The following PDE11A variants were observed in gnomAD, a reference collection of about 807,000 sequenced individuals.
PDE11A encodes dual 3',5'-cyclic-AMP and -GMP phosphodiesterase 11A.
In PDE11A, 100 loss-of-function variants were observed where a neutral mutation model predicts 100.5. The ratio of observed to expected loss-of-function variants is 1.00; its 90% CI spans 0.85 to 1.18. The LOEUF is 1.18. Among genes scored for constraint, PDE11A ranks in the 50% most tolerant of loss-of-function variants. PDE11A has a pLI of 0.00. For synonymous variants in PDE11A, 381 were observed against 420.8 expected, an observed-to-expected ratio of 0.91 and a Z score of 1.16; for missense variants, 1,141 against 1,152.6, an observed-to-expected ratio of 0.99 and a Z score of 0.15.
At chr2:177,885,413 A>G (rs1365232738) in intron 4 of PDE11A, among the ~76,000 whole-genome samples, 1 of 152,198 alleles carries the variant, frequency 6.6e-6, no homozygotes, top group East Asian at 1.9e-4. Context: ...TTGAGTGTGC[A>G]TAGATTTTGG....
chr2:177,791,702 T>G (rs2082635550), intron 9 of PDE11A, among the ~76,000 whole-genome samples: 1 of 152,138 alleles, frequency 6.6e-6, no homozygotes, highest in Non-Finnish European at 1.5e-5. Flanking sequence ...AAGATTATAG[T>G]ATATGTTTCT....
rs1340682443 is a variant in PDE11A at position 177,767,301 on chromosome 2, GC to G, written c.1788+2021del. Reference sequence around the variant, plus strand: ...GCTGAGACTGTGCCACTGCATTCCAGCCTGGGTGACAAAGAGCAAGACTCTG... The same window carrying G: ...GCTGAGACTGTGCCACTGCATTCCAGCTGGGTGACAAAGAGCAAGACTCTG... On this transcript the variant is annotated intron_variant, in intron 10 of 19. Coordinates refer to ENST00000286063, the MANE Select transcript of PDE11A (RefSeq NM_016953.4). Among the ~76,000 whole-genome samples the G allele has an allele frequency of 2.6e-5, 4 of 152,132 alleles. No individual in the cohort carries two copies. The East Asian group carries it at 7.7e-4, about 29-fold the overall frequency.
intron 6 of PDE11A, among the ~76,000 whole-genome samples, chr2:177,823,686 T>A (rs1156484165): frequency 2.0e-5 from 3 of 152,142 alleles, no homozygotes; most frequent in Non-Finnish European, 4.4e-5. Flanking sequence ...AAGGATAAAA[T>A]CTGAATTAAG....
chr2:177,875,943 T>C lies in PDE11A; in HGVS notation c.1303-20A>G, dbSNP rs369812924. On this transcript the variant is annotated intron_variant, in intron 4 of 19. Coordinates refer to ENST00000286063, the MANE Select transcript of PDE11A (RefSeq NM_016953.4). The stretch of plus-strand genomic sequence containing the variant: ...CACCACCTGTCGCATAGAAAGATAA[T>C]AAATCCAGGTCAATTAAAGCTTTAT... 1.6e-4 allele frequency: 233 copies of C among 1,487,614 alleles called. 3 individuals carry two copies. The African/African-American group carries it at 3.0e-3, about 19-fold the overall frequency. 92.2% of individuals were successfully genotyped at this position (1,487,614 alleles called of 1,614,324 possible).
chr2:177,913,940 C>T (rs912651346), intron 2 of PDE11A, among the ~76,000 whole-genome samples: 2 of 152,102 alleles, frequency 1.3e-5, no homozygotes, highest in Admixed American at 6.6e-5. Flanking sequence ...ATCTTAATTA[C>T]TACTGCCAAA....
At chr2:178,107,764 C>T (rs2087638694) in intron 1 of PDE11A, among the ~76,000 whole-genome samples, 1 of 149,394 alleles carries the variant, frequency 6.7e-6, no homozygotes, top group South Asian at 2.1e-4. Context: ...CTCTGTCGCC[C>T]AGGCCGGAGT....
At chr2:177,824,100 T>C (rs115279232) in intron 6 of PDE11A, among the ~76,000 whole-genome samples, 1 of 152,150 alleles carries the variant, frequency 6.6e-6, no homozygotes, top group African/African-American at 2.4e-5. Flanking sequence ...CAAAAGAGTT[T>C]TTTTTTTTCT....
chr2:177,814,835 C>T (rs994541815), intron 9 of PDE11A, among the ~76,000 whole-genome samples: 1 of 152,086 alleles, frequency 6.6e-6, no homozygotes, highest in Non-Finnish European at 1.5e-5. Flanking sequence ...AACTGTGGCT[C>T]ATTGGGGTAG....
intron 2 of PDE11A, among the ~76,000 whole-genome samples, chr2:178,096,464 C>A (rs1043691202): frequency 2.0e-5 from 3 of 151,818 alleles, no homozygotes; most frequent in Non-Finnish European, 4.4e-5. Flanking sequence ...TGAGCCACTG[C>A]GCCTGGCCCA....
chr2:178,092,208 T>C (rs560261751), intron 2 of PDE11A, among the ~76,000 whole-genome samples: 2 of 152,328 alleles, frequency 1.3e-5, no homozygotes, highest in South Asian at 2.1e-4. Flanking sequence ...TCATCAACAG[T>C]AGTTGTTAGA....
intron 11 of PDE11A, 35 bp from the exon 12 acceptor site, chr2:177,727,800 G>GT (rs2081622145): frequency 7.7e-7 from 1 of 1,293,980 alleles, no homozygotes; most frequent in Non-Finnish European, 1.1e-6. Flanking sequence ...TCAGGCAGTT[G>GT]TAAGTGATTC....
intron 2 of PDE11A, among the ~76,000 whole-genome samples, chr2:177,999,105 T>G (rs2105816413): frequency 6.6e-6 from 1 of 152,330 alleles, no homozygotes. Context: ...CATGTCCAAG[T>G]GTTAAGCCGA....
At chr2:178,060,822 T>G (rs1050922406) in intron 1 of PDE11A, among the ~76,000 whole-genome samples, 4 of 152,068 alleles carry the variant, frequency 2.6e-5, no homozygotes, top group African/African-American at 7.2e-5. Flanking sequence ...GATTGATAAT[T>G]TATTATTATT....
At chr2:178,024,276 G>A (rs755956677) in intron 1 of PDE11A, among the ~76,000 whole-genome samples, 4 of 152,132 alleles carry the variant, frequency 2.6e-5, no homozygotes, top group Non-Finnish European at 4.4e-5. Context: ...GCCGGGCATA[G>A]TGGTGCACAC....
intron 2 of PDE11A, among the ~76,000 whole-genome samples, chr2:177,951,278 T>C (rs1407458227): frequency 6.6e-6 from 1 of 152,240 alleles, no homozygotes; most frequent in Non-Finnish European, 1.5e-5. Flanking sequence ...TTTAGTTGCC[T>C]GGCTAAGTAC....
rs1403480561 is a variant in PDE11A at position 178,014,292 on chromosome 2, G to A, written c.1071+10C>T. 2.5e-6 allele frequency: 4 copies of A among 1,603,820 alleles called. No individual in the cohort carries two copies. The highest frequency in any genetic ancestry group is 3.4e-6 in the Non-Finnish European group (4 of 1,170,844). ...GAAAAGTACAACTCACAAAAGGCAT[G>A]AAATCTTACTTTTTCATCATCTTCA... On this transcript the variant is annotated intron_variant, in intron 2 of 19. Transcript: ENST00000286063.
intron 2 of PDE11A, among the ~76,000 whole-genome samples, chr2:177,961,113 G>A (rs2085626984): frequency 6.6e-6 from 1 of 152,112 alleles, no homozygotes; most frequent in Admixed American, 6.5e-5. Flanking sequence ...GAAGAGTCCA[G>A]GTTTCTCAGC....
intron 19 of PDE11A, among the ~76,000 whole-genome samples, chr2:177,662,119 A>G (rs2080493409): frequency 6.6e-6 from 1 of 152,226 alleles, no homozygotes; most frequent in Non-Finnish European, 1.5e-5. Flanking sequence ...AAATTCAAGT[A>G]ACTTCCTTTG....
intron 19 of PDE11A, among the ~76,000 whole-genome samples, chr2:177,632,540 C>T (rs538145086): frequency 3.9e-5 from 6 of 152,136 alleles, no homozygotes; most frequent in East Asian, 1.9e-4. Flanking sequence ...GCCTCCCCAA[C>T]CCTTTAGACT....
Sources: allele counts gnomAD v4.1 joint callset (sites outside exome capture counted in the v4.1 genomes callset), GRCh38; gene constraint gnomAD v4.1.1; transcripts MANE v1.5; gene names NCBI Gene and HGNC (gene_info 2026-07-23, HGNC 2026-07-21).